PTPRQ: variants seen among roughly 807,000 people sequenced by gnomAD.
The protein encoded by PTPRQ is phosphatidylinositol phosphatase PTPRQ.
A neutral mutation model predicts 246.0 loss-of-function variants in PTPRQ; 199 were observed. The observed-to-expected ratio is 0.81, with a 90% confidence interval of 0.72 to 0.91. PTPRQ has a LOEUF of 0.91. Ranked by LOEUF, PTPRQ falls within the 40% of genes least tolerant of loss-of-function variation. The probability of loss-of-function intolerance (pLI) is 0.00; values close to 1 mark genes in which losing one functional copy is unlikely to be tolerated. For synonymous variants in PTPRQ, 869 were observed against 853.2 expected (o/e 1.02, Z -0.32); for missense variants, 2,624 against 2,528.4 (o/e 1.04, Z -0.81).
At chr12:80,493,193 T>C in intron 9 of PTPRQ, 82 bp from the exon 10 acceptor site, 2 of 1,326,988 alleles carry the variant, frequency 1.5e-6, no homozygotes, top group African/African-American at 1.5e-5. Context: ...TCCAAAGTTA[T>C]AGGTTTTTTA....
intron 30 of PTPRQ, among the ~76,000 whole-genome samples, chr12:80,618,254 A>AT (rs530723673): frequency 9.4e-4 from 143 of 151,426 alleles, no homozygotes; most frequent in African/African-American, 3.4e-3. Flanking sequence ...AATAAAAACA[A>AT]TGTTGATAAT....
Position 80,640,887 on chromosome 12 carries a change from T to C in PTPRQ, c.5915+5814T>C, listed in dbSNP as rs552651055. Among the ~76,000 whole-genome samples the C allele has an allele frequency of 3.9e-5, 6 of 152,312 alleles. No individual in the cohort carries two copies. The East Asian group carries it at 1.2e-3, about 29-fold the overall frequency. Reference sequence around the variant, plus strand: ...GAATTTGCTGTGTTCTCATGTTGTGTTAGATTTGATAGCAAATTAAGTTTG... The same window carrying C: ...GAATTTGCTGTGTTCTCATGTTGTGCTAGATTTGATAGCAAATTAAGTTTG... On this transcript the variant is annotated intron_variant, in intron 35 of 44. Transcript: ENST00000644991.
At chr12:80,643,228 A>G (rs911814673) in intron 35 of PTPRQ, among the ~76,000 whole-genome samples, 2 of 152,096 alleles carry the variant, frequency 1.3e-5, no homozygotes, top group African/African-American at 4.8e-5. Flanking sequence ...CCCTGAGGTC[A>G]GGAGTTCGAG....
chr12:80,527,051 A>G (rs1020264993), intron 17 of PTPRQ, among the ~76,000 whole-genome samples: 4 of 152,140 alleles, frequency 2.6e-5, no homozygotes, highest in African/African-American at 9.7e-5. Context: ...AGCACTTTGC[A>G]TCACCTTAGC....
chr12:80,662,447 A>G (rs1205416458), intron 39 of PTPRQ, among the ~76,000 whole-genome samples: 1 of 151,946 alleles, frequency 6.6e-6, no homozygotes, highest in African/African-American at 2.4e-5. Flanking sequence ...CAGAGTTCAA[A>G]TGGACCTGAG....
At chr12:80,539,399 T>C (rs751299622) in intron 19 of PTPRQ, among the ~76,000 whole-genome samples, 27 of 152,168 alleles carry the variant, frequency 1.8e-4, no homozygotes, top group Non-Finnish European at 3.8e-4. Context: ...AGTTTTCTAA[T>C]ACTCCCAAAC....
chr12:80,464,085 A>G (rs1315777502), intron 6 of PTPRQ, among the ~76,000 whole-genome samples: 1 of 152,030 alleles, frequency 6.6e-6, no homozygotes, highest in Non-Finnish European at 1.5e-5. Context: ...AATTAGATAA[A>G]GAGTCAAGAC....
At chr12:80,503,598 G>A (rs1316171336) in intron 14 of PTPRQ, among the ~76,000 whole-genome samples, 10 of 151,572 alleles carry the variant, frequency 6.6e-5, no homozygotes, top group East Asian at 5.8e-4. Context: ...TCATTTGAAA[G>A]AAAAGAGTTT....
chr12:80,631,773 A>G (rs1180420784), intron 33 of PTPRQ, among the ~76,000 whole-genome samples: 2 of 152,208 alleles, frequency 1.3e-5, no homozygotes, highest in African/African-American at 4.8e-5. Flanking sequence ...GTGTCCATCA[A>G]CTGAGAGGTG....
chr12:80,555,467 C>A (rs775921981), intron 25 of PTPRQ, among the ~76,000 whole-genome samples: 1 of 152,040 alleles, frequency 6.6e-6, no homozygotes, highest in Non-Finnish European at 1.5e-5. Flanking sequence ...CCTTCTATGG[C>A]TACAAATTAG....
intron 6 of PTPRQ, chr12:80,461,982 C>A (rs1035394610): frequency 1.1e-5 from 7 of 623,128 alleles, no homozygotes; most frequent in East Asian, 8.7e-5. Flanking sequence ...GGTACCCGTT[C>A]GTCTCACTAG....
At chr12:80,554,076 G>A (rs914236494) in intron 25 of PTPRQ, among the ~76,000 whole-genome samples, 3 of 150,360 alleles carry the variant, frequency 2.0e-5, no homozygotes, top group Admixed American at 2.0e-4. Context: ...GGTAGGAGGG[G>A]CAGGGGGGGT....
chr12:80,501,899 A>C (rs1894809404), intron 14 of PTPRQ, among the ~76,000 whole-genome samples: 1 of 151,672 alleles, frequency 6.6e-6, no homozygotes, highest in Admixed American at 6.6e-5. Flanking sequence ...TTACAGAAAA[A>C]ATAATGGAGA....
rs199746225 is a variant in PTPRQ at position 80,670,458 on chromosome 12, G to T, written c.6568G>T (p.Ala2190Ser). Residue 2190 changes from alanine (A) to serine (S), a missense_variant, in exon 42 of 45, where the codon GCA becomes TCA. By Grantham distance (99) the Ala-to-Ser change is moderately conservative (BLOSUM62 1). Coordinates refer to ENST00000644991, the MANE Select transcript of PTPRQ (RefSeq NM_001145026.2). The part of the protein sequence containing the change: ...HFVKLVRASR[A>S]HDTTPMIVHC... The stretch of plus-strand genomic sequence containing the variant: ...TGTGAAGTTGGTTCGAGCAAGCAGG[G>T]CACATGACACCACACCTATGATTGT... The T allele has an allele frequency of 4.1e-4, 632 of 1,551,134 alleles. 2 individuals are homozygous for T. In the Middle Eastern group the frequency reaches 0.024, roughly 58 times the overall value.
chr12:80,473,869 T>C (rs1893730539), intron 8 of PTPRQ, among the ~76,000 whole-genome samples: 1 of 152,240 alleles, frequency 6.6e-6, no homozygotes, highest in African/African-American at 2.4e-5. Flanking sequence ...ATTTGTCCTG[T>C]GTTTCATTCT....
At chr12:80,673,480 AATGCCCAC>A (rs1416120385) in intron 43 of PTPRQ, among the ~76,000 whole-genome samples, 176 bp downstream of exon 43, 1 of 152,046 alleles carries the variant, frequency 6.6e-6, no homozygotes, top group African/African-American at 2.4e-5. Context: ...TAGGAGAACT[AATGCCCAC>A]ATGCCATAGT....
chr12:80,548,543 C>A (rs971292437), intron 24 of PTPRQ, among the ~76,000 whole-genome samples: 1 of 152,026 alleles, frequency 6.6e-6, no homozygotes, highest in Non-Finnish European at 1.5e-5. Context: ...AGTTTAGACC[C>A]AGGTAGAGCG....
chr12:80,534,846 C>A (rs1164210777), intron 18 of PTPRQ, 46 bp from the exon 19 acceptor site: 2 of 1,520,748 alleles, frequency 1.3e-6, no homozygotes, highest in African/African-American at 1.4e-5. Flanking sequence ...TCAGACATTA[C>A]TTGTAAACAC....
intron 8 of PTPRQ, among the ~76,000 whole-genome samples, chr12:80,481,223 T>C (rs1005490243): frequency 5.3e-5 from 8 of 152,080 alleles, no homozygotes; most frequent in Non-Finnish European, 1.2e-4. Flanking sequence ...GTTCAATATA[T>C]TAAAATCAAT....
Sources: allele counts gnomAD v4.1 joint callset (sites outside exome capture counted in the v4.1 genomes callset), GRCh38; gene constraint gnomAD v4.1.1; transcripts MANE v1.5; gene names NCBI Gene and HGNC (gene_info 2026-07-23, HGNC 2026-07-21).